Variants in CLCN4 observed in about 807,000 individuals in gnomAD.
CLCN4 encodes the protein H(+)/Cl(-) exchange transporter 4.
A neutral mutation model predicts 41.7 loss-of-function variants in CLCN4; 1 was observed. The ratio of observed to expected loss-of-function variants is 0.02; its 90% CI spans 0.01 to 0.11. The LOEUF (loss-of-function observed/expected upper bound fraction) is 0.11. Among genes scored for constraint, CLCN4 ranks in the 10% least tolerant of loss-of-function variants. The probability of loss-of-function intolerance (pLI) is 1.00; values close to 1 mark genes in which losing one functional copy is unlikely to be tolerated. For missense variants in CLCN4, 287 were observed against 661.0 expected (o/e 0.43, Z 6.20); for synonymous variants, 277 against 285.8 (o/e 0.97, Z 0.31).
chrX:10,216,297 GTTATCT>G (rs951425431), intron 11 of CLCN4, among the ~76,000 whole-genome samples: 20 of 112,318 alleles, frequency 1.8e-4, no homozygotes, highest in Admixed American at 1.0e-3. Context: ...AAAGCATGGC[GTTATCT>G]TTGTTAGAGA....
intron 2 of CLCN4, among the ~76,000 whole-genome samples, chrX:10,170,945 C>T (rs961062581): frequency 8.0e-5 from 9 of 112,317 alleles, no homozygotes; most frequent in Admixed American, 2.8e-4. Flanking sequence ...AGTGCAGTGG[C>T]GCGATCTCCG....
chrX:10,209,115 G>A (rs1924470376), intron 9 of CLCN4, among the ~76,000 whole-genome samples: 2 of 111,630 alleles, frequency 1.8e-5, no homozygotes, highest in South Asian at 3.7e-4. Context: ...CAGACCTGGA[G>A]TTCTGACATT....
At chrX:10,184,048 C>T (rs1210179783) in intron 2 of CLCN4, among the ~76,000 whole-genome samples, 1 of 112,142 alleles carries the variant, frequency 8.9e-6, no homozygotes, top group East Asian at 2.8e-4. Flanking sequence ...GTCTTGCCAG[C>T]ATTTTCACTG....
intron 12 of CLCN4, among the ~76,000 whole-genome samples, chrX:10,224,772 G>A (rs1341512090): frequency 9.0e-6 from 1 of 111,309 alleles, no homozygotes; most frequent in African/African-American, 3.3e-5. Context: ...GCCCCAGTAT[G>A]TGCTGTTCCT....
chrX:10,157,217 A>T, intron 1 of CLCN4, 117 bp downstream of exon 1: 1 of 281,182 alleles, frequency 3.6e-6, no homozygotes, highest in East Asian at 5.0e-5. Context: ...TGTGAGAGTC[A>T]AGGGCTGTAT....
In CLCN4 at chrX:10,236,230, T is replaced by A. The variant is rs1925247850; in HGVS notation, c.*2646T>A. ...CATGGGGGGGAATGAGGGGAAATTA[T>A]GCTTCCGGGCCAAGGTCACCGAGGG... On this transcript the variant is annotated 3_prime_UTR_variant, in exon 13 of 13. Transcript: ENST00000380833. 1 of 111,847 alleles carries A rather than the reference T, an allele frequency of 8.9e-6. No individual in the cohort carries two copies. Among genetic ancestry groups the A allele is most frequent in the Non-Finnish European group, 1.9e-5 (1 of 53,110 alleles). The allele number at this position is 111,847 out of a possible 1,213,427, so 9.2% of individuals were successfully genotyped here. A position where few individuals can be genotyped will look rare whatever the true frequency, so the allele number is the denominator to read the frequency against.
At chrX:10,179,135 G>T (rs1367535343) in intron 2 of CLCN4, among the ~76,000 whole-genome samples, 1 of 112,642 alleles carries the variant, frequency 8.9e-6, no homozygotes, top group Non-Finnish European at 1.9e-5. Flanking sequence ...TGGCAGTGAA[G>T]ATAGCGCTGA....
Position 10,208,131 on chromosome X carries a change from C to A in CLCN4, c.930C>A (p.Pro310=), listed in dbSNP as rs1421307675. The change falls in exon 9 of 13, where the codon CCC becomes CCA. Residue 310 remains proline, a synonymous_variant. Coordinates refer to ENST00000380833, the MANE Select transcript of CLCN4 (RefSeq NM_001830.4). The part of the protein sequence containing the change: ...VAAFTLRSIN[P]FGNSRLVLFY... ...CCTTTACGCTGAGATCCATCAATCCCTTTGGGAATAGCCGTCTCGTTCTCT... is the reference window on the plus strand; with the variant it reads ...CCTTTACGCTGAGATCCATCAATCCATTTGGGAATAGCCGTCTCGTTCTCT... 9.1e-6 allele frequency: 11 copies of A among 1,211,849 alleles called. No homozygotes were observed. Among genetic ancestry groups the A allele is most frequent in the Middle Eastern group, 2.3e-4 (1 of 4,350 alleles).
intron 2 of CLCN4, among the ~76,000 whole-genome samples, chrX:10,164,867 G>A (rs890515896): frequency 5.3e-5 from 6 of 112,456 alleles, no homozygotes; most frequent in African/African-American, 1.9e-4. Context: ...GCTTCTTGTC[G>A]TGGCTGAAGT....
intron 6 of CLCN4, among the ~76,000 whole-genome samples, chrX:10,203,358 G>T (rs1437452430): frequency 9.0e-6 from 1 of 111,466 alleles, no homozygotes; most frequent in Non-Finnish European, 1.9e-5. Context: ...TTAAGGACGG[G>T]TCTAACCACC....
chrX:10,229,270 C>T (rs1056673414), intron 12 of CLCN4, among the ~76,000 whole-genome samples: 4 of 110,809 alleles, frequency 3.6e-5, no homozygotes, highest in Non-Finnish European at 5.7e-5. Context: ...TTAGAATTAT[C>T]AGAGCTAGAA....
intron 2 of CLCN4, among the ~76,000 whole-genome samples, chrX:10,177,271 C>T (rs73481163): frequency 0.02 from 2,256 of 112,176 alleles, 43 homozygotes; most frequent in African/African-American, 0.054. Flanking sequence ...GGAGCTGAGT[C>T]GTCTAGACAG....
chrX:10,168,951 C>T (rs890832775), intron 2 of CLCN4, among the ~76,000 whole-genome samples: 5 of 110,962 alleles, frequency 4.5e-5, no homozygotes, highest in African/African-American at 1.6e-4. Context: ...CTTTCCTCCT[C>T]ATAGCCCTGT....
Position 10,157,857 on chromosome X carries a change from C to A in CLCN4, c.-274-432C>A. ...CACGTAGCAGTGCTTTATTTTAAAT[C>A]ATCACATATTTAAGTAAGTAGTAGA... On this transcript the variant is annotated intron_variant, in intron 1 of 12. Transcript: ENST00000380833. Among the ~76,000 whole-genome samples the A allele has an allele frequency of 1.8e-5, 2 of 112,917 alleles. 1 individual carries two copies. The highest frequency in any genetic ancestry group is 3.7e-5 in the Non-Finnish European group (2 of 53,386).
At chrX:10,206,854 A>AT in intron 8 of CLCN4, 78 bp downstream of exon 8, 4 of 697,499 alleles carry the variant, frequency 5.7e-6, no homozygotes, top group Non-Finnish European at 8.5e-6. Flanking sequence ...GAAGTATTGG[A>AT]TAAGATTCCG....
intron 11 of CLCN4, among the ~76,000 whole-genome samples, chrX:10,219,080 T>G (rs41404246): frequency 0.12 from 13,972 of 112,673 alleles, 851 homozygotes; most frequent in Non-Finnish European, 0.2. Context: ...AGCTAGTGGC[T>G]GTTAGAATCA....
Position 10,195,085 on chromosome X carries a change from T to C in CLCN4, c.419T>C (p.Val140Ala), listed in dbSNP as rs1268937457. ...PLWQKWSELL[V>A]NQSEGASAYI... Reference sequence around the variant, plus strand: ...TGGCAGAAATGGTCGGAGCTGCTGGTGAATCAGTCAGAGGTGGGTATTTGG... The same window carrying C: ...TGGCAGAAATGGTCGGAGCTGCTGGCGAATCAGTCAGAGGTGGGTATTTGG... The change falls in exon 5 of 13, where the codon GTG (valine) becomes GCG (alanine). Residue 140 changes from valine to alanine, a missense_variant. By Grantham distance (64) the Val-to-Ala change is moderately conservative. Around this residue, in one of 6 missense-constraint regions of CLCN4, gnomAD observed 90 missense variants for 209.8 expected, o/e 0.43. Coordinates refer to ENST00000380833, the MANE Select transcript of CLCN4 (RefSeq NM_001830.4). 2 of 1,209,640 alleles carry C rather than the reference T, an allele frequency of 1.7e-6. No individual in the cohort carries two copies. The highest frequency in any genetic ancestry group is 1.8e-5 in the African/African-American group (1 of 57,031).
At chrX:10,197,507 G>A (rs181043708) in intron 5 of CLCN4, among the ~76,000 whole-genome samples, 1,342 of 111,056 alleles carry the variant, frequency 0.012, 21 homozygotes, top group African/African-American at 0.042. Context: ...TGGCAGTGCG[G>A]GTGCTTGCTG....
intron 6 of CLCN4, among the ~76,000 whole-genome samples, chrX:10,205,857 G>A (rs1396723342): frequency 3.7e-5 from 4 of 109,353 alleles, no homozygotes; most frequent in Non-Finnish European, 3.8e-5. Context: ...GGGCTCAAGC[G>A]ATCCTCCCAC....
Sources: allele counts gnomAD v4.1 joint callset (sites outside exome capture counted in the v4.1 genomes callset), GRCh38; gene constraint gnomAD v4.1.1; regional missense constraint gnomAD v4.1.1; transcripts MANE v1.5; gene names NCBI Gene and HGNC (gene_info 2026-07-23, HGNC 2026-07-21).